SLC45A4: variants seen among roughly 807,000 people sequenced by gnomAD.
SLC45A4 encodes solute carrier family 45 member 4.
A neutral mutation model predicts 63.7 loss-of-function variants in SLC45A4; 32 were observed. The ratio of observed to expected loss-of-function variants is 0.50; its 90% CI spans 0.38 to 0.67. SLC45A4 has a LOEUF of 0.67. Ranked by LOEUF, SLC45A4 falls within the 30% of genes least tolerant of loss-of-function variation. The pLI, the probability that SLC45A4 is intolerant of heterozygous loss-of-function variation, is 0.00. For synonymous variants in SLC45A4, 535 were observed against 510.0 expected (o/e 1.05, Z -0.66); for missense variants, 1,027 against 1,157.7 (o/e 0.89, Z 1.64).
intron 1 of SLC45A4, among the ~76,000 whole-genome samples, chr8:141,269,715 C>A (rs1360326774): frequency 1.1e-4 from 17 of 151,876 alleles, no homozygotes; most frequent in Admixed American, 9.2e-4. Flanking sequence ...GTGTGTCTGT[C>A]TCTGCATCTC....
chr8:141,300,961 C>T (rs960075892), intron 1 of SLC45A4, among the ~76,000 whole-genome samples: 3 of 152,246 alleles, frequency 2.0e-5, no homozygotes, highest in African/African-American at 4.8e-5. Flanking sequence ...GAACACAGCA[C>T]AGCAAGCGCC....
chr8:141,230,967 C>T (rs903884601), intron 2 of SLC45A4, among the ~76,000 whole-genome samples: 5 of 152,164 alleles, frequency 3.3e-5, no homozygotes, highest in African/African-American at 9.7e-5. Flanking sequence ...GCTGTGCTGG[C>T]GGCGGCAACA....
At chr8:141,251,902 C>T (rs1043673429) in intron 2 of SLC45A4, among the ~76,000 whole-genome samples, 5 of 150,204 alleles carry the variant, frequency 3.3e-5, no homozygotes, top group African/African-American at 1.2e-4. Flanking sequence ...CTGATGCCAG[C>T]GGGGCTGCCC....
At chr8:141,277,565 T>C (rs1829773077) in intron 1 of SLC45A4, among the ~76,000 whole-genome samples, 1 of 152,208 alleles carries the variant, frequency 6.6e-6, no homozygotes, top group Non-Finnish European at 1.5e-5. Flanking sequence ...TTAGATGTTT[T>C]AGATTTTACT....
chr8:141,299,707 T>C (rs915263296), intron 1 of SLC45A4, among the ~76,000 whole-genome samples: 8 of 152,232 alleles, frequency 5.3e-5, no homozygotes, highest in African/African-American at 1.9e-4. Context: ...CGGATTTGCA[T>C]ACTGAAGTAA....
intron 1 of SLC45A4, among the ~76,000 whole-genome samples, chr8:141,260,264 T>C (rs1208713777): frequency 6.6e-6 from 1 of 152,248 alleles, no homozygotes; most frequent in Admixed American, 6.5e-5. Context: ...TTCATGAACT[T>C]ATCCAAGGAA....
chr8:141,286,326 C>T (rs1395368112), intron 1 of SLC45A4, among the ~76,000 whole-genome samples: 4 of 152,138 alleles, frequency 2.6e-5, no homozygotes, highest in South Asian at 4.1e-4. Context: ...CACCACCCTG[C>T]GTGAGACATG....
rs1001079007 is a variant in SLC45A4 at position 141,286,738 on chromosome 8, G to A, written c.-401+21358C>T. ...TTCGCTTATCAGCAGCAGCCCCCCCGCCCCCCCGCTCCCCACCACCGACCC... is the reference window on the plus strand; with the variant it reads ...TTCGCTTATCAGCAGCAGCCCCCCCACCCCCCCGCTCCCCACCACCGACCC... On this transcript the variant is annotated intron_variant, in intron 1 of 8. Transcript: ENST00000517878. 2.0e-4 allele frequency among the ~76,000 whole-genome samples: 14 copies of A among 70,200 alleles called. No individual in the cohort carries two copies. In the East Asian group the frequency reaches 2.3e-3, roughly 12 times the overall value. 46.1% of individuals were successfully genotyped at this position (70,200 alleles called of 152,430 possible).
At chr8:141,264,875 A>G (rs886387689) in intron 1 of SLC45A4, among the ~76,000 whole-genome samples, 1 of 152,226 alleles carries the variant, frequency 6.6e-6, no homozygotes, top group Non-Finnish European at 1.5e-5. Context: ...TATAATTTAC[A>G]TGCAGTGAGA....
At chr8:141,295,851 T>C (rs1830529273) in intron 1 of SLC45A4, among the ~76,000 whole-genome samples, 1 of 152,194 alleles carries the variant, frequency 6.6e-6, no homozygotes, top group African/African-American at 2.4e-5. Context: ...CCGCCCAGGA[T>C]GGTGCGGAGC....
Position 141,229,640 on chromosome 8 carries a change from G to A in SLC45A4, c.242-7875C>T, listed in dbSNP as rs991704759. On this transcript the variant is annotated intron_variant, in intron 2 of 8. Transcript: ENST00000517878. This position sits in a 1 kb window ranked among gnomAD's most constrained non-coding sequence, Gnocchi z 5.0. ...CCCGCAGACCACGGCCTGCACCCAT[G>A]GCAGAGACCCTGCTGCCACTCCAGT... Among the ~76,000 whole-genome samples, 4 of 152,160 alleles carry A rather than the reference G, an allele frequency of 2.6e-5. No individual in the cohort carries two copies. Among genetic ancestry groups the A allele is most frequent in the Non-Finnish European group, 5.9e-5 (4 of 68,018 alleles).
chr8:141,245,940 C>T (rs964147497), intron 2 of SLC45A4, among the ~76,000 whole-genome samples: 3 of 152,226 alleles, frequency 2.0e-5, no homozygotes, highest in African/African-American at 7.2e-5. Flanking sequence ...AACTCCTCTA[C>T]TGATGCTGAT....
In SLC45A4 at chr8:141,256,791, C is replaced by A; in HGVS notation, c.-400-2162G>T. Reference sequence around the variant, plus strand: ...AATGTCCTCTACCGTAGAAACATCTCAATTAAAACAAGAGTTTCCAAACTG... The same window carrying A: ...AATGTCCTCTACCGTAGAAACATCTAAATTAAAACAAGAGTTTCCAAACTG... On this transcript the variant is annotated intron_variant, in intron 1 of 8. Transcript: ENST00000517878. This position sits in a 1 kb window ranked among gnomAD's most constrained non-coding sequence, Gnocchi z 4.3. 1 of 350,038 alleles carries A rather than the reference C, an allele frequency of 2.9e-6. No homozygotes were observed. Among genetic ancestry groups the A allele is most frequent in the South Asian group, 2.1e-5 (1 of 47,048 alleles). 21.7% of individuals were successfully genotyped at this position (350,038 alleles called of 1,614,324 possible).
At chr8:141,294,296 G>A (rs972386882) in intron 1 of SLC45A4, among the ~76,000 whole-genome samples, 27 of 152,222 alleles carry the variant, frequency 1.8e-4, no homozygotes, top group African/African-American at 6.3e-4. Flanking sequence ...CTCAGTCAAC[G>A]CCTGCTGTGA....
chr8:141,292,312 T>G (rs1372517532), intron 1 of SLC45A4, among the ~76,000 whole-genome samples: 1 of 152,238 alleles, frequency 6.6e-6, no homozygotes, highest in Non-Finnish European at 1.5e-5. Flanking sequence ...GGGCCCACTC[T>G]GGGCTCAGGT....
intron 1 of SLC45A4, among the ~76,000 whole-genome samples, chr8:141,261,499 T>G (rs1222811326): frequency 2.6e-5 from 4 of 152,130 alleles, no homozygotes; most frequent in African/African-American, 9.7e-5. Flanking sequence ...AAAATCTCCT[T>G]AAGCTGATAA....
chr8:141,230,970 C>T lies in SLC45A4; in HGVS notation c.242-9205G>A, dbSNP rs113644666. Among the ~76,000 whole-genome samples, 238 of 152,138 alleles carry T rather than the reference C, an allele frequency of 1.6e-3. 1 individual carries two copies. Among genetic ancestry groups the T allele is most frequent in the African/African-American group, 5.5e-3 (230 of 41,504 alleles). On this transcript the variant is annotated intron_variant, in intron 2 of 8. Coordinates refer to ENST00000517878, the MANE Select transcript of SLC45A4 (RefSeq NM_001286646.2). ...TGCTCCGGGGACGCTGTGCTGGCGG[C>T]GGCAACAGCGTGTGACACCCAGTGA... is the stretch of plus-strand genomic sequence containing the variant.
Position 141,208,433 on chromosome 8 carries a change from C to T in SLC45A4, c.*3139G>A, listed in dbSNP as rs926845251. The T allele has an allele frequency of 6.6e-6, 1 of 152,192 alleles. No homozygotes were observed. The highest frequency in any genetic ancestry group is 2.4e-5 in the African/African-American group (1 of 41,456). The allele number at this position is 152,192 out of a possible 1,614,324, so 9.4% of individuals were successfully genotyped here. A position where few individuals can be genotyped will look rare whatever the true frequency, so the allele number is the denominator to read the frequency against. ...AGGTGGTCACAGACCAAGTCCTCCA[C>T]ACCTGGGGCATTCAAGAAACACTCC... On this transcript the variant is annotated 3_prime_UTR_variant, in exon 9 of 9. Transcript: ENST00000517878.
In SLC45A4 at chr8:141,209,817, A is replaced by G. The variant is rs1398083122; in HGVS notation, c.*1755T>C. ...AGGCTGGGATCTCAAGGGTTAACAC[A>G]CTATTCAGAGGGGGGTTGCGAAGCC... On this transcript the variant is annotated 3_prime_UTR_variant, in exon 9 of 9. Coordinates refer to ENST00000517878, the MANE Select transcript of SLC45A4 (RefSeq NM_001286646.2). 1 of 152,146 alleles carries G rather than the reference A, an allele frequency of 6.6e-6. No homozygotes were observed. Among genetic ancestry groups the G allele is most frequent in the African/African-American group, 2.4e-5 (1 of 41,410 alleles). 9.4% of individuals were successfully genotyped at this position (152,146 alleles called of 1,614,324 possible).
Sources: allele counts gnomAD v4.1 joint callset (sites outside exome capture counted in the v4.1 genomes callset), GRCh38; gene constraint gnomAD v4.1.1; non-coding constraint Gnocchi (gnomAD v3.1); transcripts MANE v1.5; gene names NCBI Gene and HGNC (gene_info 2026-07-23, HGNC 2026-07-21).